TANGO6: variants seen among roughly 807,000 people sequenced by gnomAD.
TANGO6 encodes the protein transport and golgi organization 6 homolog.
TANGO6 carries 90 observed loss-of-function variants against 114.2 expected under a neutral mutation model. The observed-to-expected ratio is 0.79, with a 90% CI of 0.66 to 0.94. The LOEUF (loss-of-function observed/expected upper bound fraction) is 0.94. Ranked by LOEUF, TANGO6 falls within the 40% of genes least tolerant of loss-of-function variation. TANGO6 has a pLI of 0.00. For synonymous variants in TANGO6, 477 were observed against 509.8 expected (o/e 0.94, Z 0.87); for missense variants, 1,274 against 1,315.3 (o/e 0.97, Z 0.49).
chr16:68,894,011 C>T lies in TANGO6; in HGVS notation c.1378-6423C>T, dbSNP rs536576497. ...GAACAGCTTGTCTGTTGTGCCTTCG[C>T]TGCTTCCTCAGTCCATACTGTCACC... is the stretch of plus-strand genomic sequence containing the variant. On this transcript the variant is annotated intron_variant, in intron 7 of 17. Coordinates refer to ENST00000261778, the MANE Select transcript of TANGO6 (RefSeq NM_024562.2). Among the ~76,000 whole-genome samples the T allele has an allele frequency of 3.9e-5, 6 of 152,328 alleles. No individual in the cohort carries two copies. The East Asian group carries it at 1.2e-3, about 29-fold the overall frequency.
chr16:69,056,897 G>A (rs1567567496), intron 17 of TANGO6, among the ~76,000 whole-genome samples: 1 of 151,408 alleles, frequency 6.6e-6, no homozygotes, highest in Non-Finnish European at 1.5e-5. Flanking sequence ...AGCCAGGATG[G>A]TCTCGATCTC....
At chr16:69,039,284 C>T (rs1370320200) in intron 16 of TANGO6, among the ~76,000 whole-genome samples, 4 of 150,802 alleles carry the variant, frequency 2.7e-5, no homozygotes, top group Admixed American at 2.0e-4. Flanking sequence ...GCTGACATTG[C>T]ACCACTGCAC....
chr16:68,863,593 A>G lies in TANGO6; in HGVS notation c.852+532A>G, dbSNP rs530885316. ...CCATTGCACTCCAGTCTGGGCAACA[A>G]GAGTGAAACTCAGTCTCAAAAAAAA... On this transcript the variant is annotated intron_variant, in intron 3 of 17. Coordinates refer to ENST00000261778, the MANE Select transcript of TANGO6 (RefSeq NM_024562.2). Among the ~76,000 whole-genome samples, 3 of 152,260 alleles carry G rather than the reference A, an allele frequency of 2.0e-5. No individual in the cohort carries two copies. The East Asian group carries it at 5.8e-4, about 29-fold the overall frequency.
intron 3 of TANGO6, among the ~76,000 whole-genome samples, chr16:68,866,066 A>G (rs943333834): frequency 2.6e-5 from 4 of 152,174 alleles, no homozygotes; most frequent in African/African-American, 9.7e-5. Flanking sequence ...TCTTCCTTGG[A>G]AGCTGGATTT....
chr16:68,863,213 A>C, intron 3 of TANGO6, 152 bp downstream of exon 3: 1 of 513,286 alleles, frequency 1.9e-6, no homozygotes. Context: ...ATATTTATAA[A>C]ACTAGATGAC....
chr16:69,021,885 T>C (rs1047259425), intron 15 of TANGO6, among the ~76,000 whole-genome samples: 2 of 150,408 alleles, frequency 1.3e-5, no homozygotes, highest in African/African-American at 4.9e-5. Flanking sequence ...AATTTTTTTT[T>C]CTTTTTTTTT....
At chr16:69,024,922 A>G (rs958974448) in intron 16 of TANGO6, among the ~76,000 whole-genome samples, 3 of 152,088 alleles carry the variant, frequency 2.0e-5, no homozygotes, top group Non-Finnish European at 2.9e-5. Flanking sequence ...ATTCTCCCGC[A>G]TTAGCCTCTT....
intron 7 of TANGO6, among the ~76,000 whole-genome samples, chr16:68,889,286 G>A (rs987251975): frequency 2.0e-5 from 3 of 152,094 alleles, no homozygotes; most frequent in Non-Finnish European, 2.9e-5. Context: ...GTTTACATTG[G>A]GATTCACTGT....
intron 16 of TANGO6, among the ~76,000 whole-genome samples, chr16:69,038,632 G>A (rs1264776727): frequency 6.6e-6 from 1 of 152,122 alleles, no homozygotes; most frequent in African/African-American, 2.4e-5. Context: ...CAGGAGCCAG[G>A]CAAGGGTACA....
chr16:69,001,212 G>C (rs939335412), intron 15 of TANGO6, among the ~76,000 whole-genome samples: 4 of 152,110 alleles, frequency 2.6e-5, no homozygotes, highest in African/African-American at 9.7e-5. Context: ...GGGGGAAATG[G>C]CTCACCCTCT....
In TANGO6 at chr16:68,867,183, T is replaced by A. The variant is rs778237174; in HGVS notation, c.957T>A (p.Val319=). 16 of 1,613,782 alleles carry A rather than the reference T, an allele frequency of 9.9e-6. No homozygotes were observed. Among genetic ancestry groups the A allele is most frequent in the Middle Eastern group, 1.6e-4 (1 of 6,078 alleles). ...LSERLMRPNG[V]QAVVRGILEG... ...AAAGGTTAATGAGACCTAATGGTGT[T>A]CAGGCAGTAGTCCGGGGCATTTTGG... Residue 319 remains valine, a synonymous_variant, in exon 4 of 18, where the codon GTT becomes GTA. Coordinates refer to ENST00000261778, the MANE Select transcript of TANGO6 (RefSeq NM_024562.2).
At chr16:68,847,053 G>C (rs2152148314) in intron 1 of TANGO6, among the ~76,000 whole-genome samples, 1 of 152,028 alleles carries the variant, frequency 6.6e-6, no homozygotes, top group African/African-American at 2.4e-5. Flanking sequence ...ACCACGCCCT[G>C]CTAATTTTGT....
intron 7 of TANGO6, among the ~76,000 whole-genome samples, chr16:68,898,856 A>G (rs1962744171): frequency 6.6e-6 from 1 of 152,100 alleles, no homozygotes; most frequent in Admixed American, 6.5e-5. Flanking sequence ...TTAACTTCTT[A>G]TAACAGAATT....
At chr16:68,934,736 A>G (rs1363300257) in intron 14 of TANGO6, among the ~76,000 whole-genome samples, 1 of 152,122 alleles carries the variant, frequency 6.6e-6, no homozygotes, top group Non-Finnish European at 1.5e-5. Flanking sequence ...TGTCAAGGAG[A>G]TGTTTTTCAT....
intron 3 of TANGO6, among the ~76,000 whole-genome samples, chr16:68,865,107 C>A (rs949150448): frequency 1.3e-5 from 2 of 151,064 alleles, no homozygotes; most frequent in Admixed American, 1.3e-4. Flanking sequence ...GAAACCCTGT[C>A]TCTACTAAAA....
At chr16:69,018,678 C>G (rs566420299) in intron 15 of TANGO6, among the ~76,000 whole-genome samples, 4 of 151,156 alleles carry the variant, frequency 2.6e-5, no homozygotes, top group Non-Finnish European at 5.9e-5. Context: ...AATCCCAGCA[C>G]TTTGGAGGCC....
chr16:68,919,717 T>C (rs1963063743), intron 12 of TANGO6, among the ~76,000 whole-genome samples: 1 of 152,230 alleles, frequency 6.6e-6, no homozygotes, highest in African/African-American at 2.4e-5. Context: ...ACATACCTAA[T>C]TTATAATTTT....
intron 6 of TANGO6, among the ~76,000 whole-genome samples, chr16:68,880,240 G>A (rs1962437043): frequency 6.6e-6 from 1 of 152,072 alleles, no homozygotes; most frequent in South Asian, 2.1e-4. Flanking sequence ...CCAAAATACT[G>A]GGATTACAGT....
chr16:68,885,633 G>C (rs1297241673), intron 7 of TANGO6: 1 of 152,352 alleles, frequency 6.6e-6, no homozygotes, highest in South Asian at 2.1e-4. Flanking sequence ...ATCTGTAACT[G>C]GTTGTGATTA....
Sources: allele counts gnomAD v4.1 joint callset (sites outside exome capture counted in the v4.1 genomes callset), GRCh38; gene constraint gnomAD v4.1.1; transcripts MANE v1.5; gene names NCBI Gene and HGNC (gene_info 2026-07-23, HGNC 2026-07-21).